Variants in ZNF256 observed in about 807,000 individuals in gnomAD.
ZNF256 encodes bone marrow zinc finger 3.
A neutral mutation model predicts 7.9 loss-of-function variants in ZNF256; 4 were observed. The observed-to-expected ratio is 0.50, with a 90% confidence interval of 0.25 to 1.15. The LOEUF (loss-of-function observed/expected upper bound fraction) is 1.15, where lower values mean the gene tolerates loss of function less well. Ranked by LOEUF, ZNF256 falls within the 50% of genes most tolerant of loss-of-function variation. The pLI, the probability that ZNF256 is intolerant of heterozygous loss-of-function variation, is 0.15. For synonymous variants in ZNF256, 260 were observed against 260.4 expected, an observed-to-expected ratio of 1.00 and a Z score of 0.02; for missense variants, 666 against 755.9, an observed-to-expected ratio of 0.88 and a Z score of 1.39.
Position 57,942,388 on chromosome 19 carries a change from A to C in ZNF256, c.420T>G (p.His140Gln). The change falls in exon 3 of 3, where the codon CAT becomes CAG. Residue 140 changes from histidine (H) to glutamine (Q), a missense_variant. Transcript: ENST00000282308. ...TAYLHQHQKQ[H>Q]VGQKHFRSNG... Reference sequence around the variant, plus strand: ...TGCTTCTGAAGTGTTTCTGTCCAACATGCTGCTTCTGGTGCTGATGAAGGT... The same window carrying C: ...TGCTTCTGAAGTGTTTCTGTCCAACCTGCTGCTTCTGGTGCTGATGAAGGT... 1 of 1,614,224 alleles carries C rather than the reference A, an allele frequency of 6.2e-7. No homozygotes were observed. The highest frequency in any genetic ancestry group is 8.5e-7 in the Non-Finnish European group (1 of 1,180,048).
In ZNF256 at chr19:57,941,087, G is replaced by A; in HGVS notation, c.1721C>T (p.Pro574Leu). The A allele has an allele frequency of 6.2e-7, 1 of 1,614,156 alleles. No homozygotes were observed. Among genetic ancestry groups the A allele is most frequent in the Non-Finnish European group, 8.5e-7 (1 of 1,180,014 alleles). Residue 574 changes from proline to leucine, a missense_variant, in exon 3 of 3, where the codon CCT (proline) becomes CTT (leucine). Pro to Leu is a moderately conservative substitution (Grantham distance 98). Transcript: ENST00000282308. The part of the protein sequence containing the change: ...KHRRVHTGER[P>L]YECSECGKSF... ...TTTTCCACATTCACTGCATTCATAA[G>A]GCCTTTCTCCGGTATGAACTCTTCG...
chr19:57,946,070 G>A (rs1212274844), intron 1 of ZNF256, among the ~76,000 whole-genome samples: 1 of 152,158 alleles, frequency 6.6e-6, no homozygotes, highest in African/African-American at 2.4e-5. Flanking sequence ...CTTGGGAGCC[G>A]TGGCCACTGC....
chr19:57,946,913 A>T (rs2072769895), intron 1 of ZNF256, among the ~76,000 whole-genome samples: 1 of 152,178 alleles, frequency 6.6e-6, no homozygotes, highest in Non-Finnish European at 1.5e-5. Context: ...GGCTGCCAGA[A>T]ATTGGAACAA....
rs917160074 is a variant in ZNF256 at position 57,947,647 on chromosome 19, C to A, written c.-173G>T. The A allele has an allele frequency of 3.5e-6, 2 of 563,596 alleles. No individual in the cohort carries two copies. The highest frequency in any genetic ancestry group is 5.4e-6 in the Non-Finnish European group (2 of 369,936). 34.9% of individuals were successfully genotyped at this position (563,596 alleles called of 1,614,324 possible). A position where few individuals can be genotyped will look rare whatever the true frequency, so the allele number is the denominator to read the frequency against. ...GACCCAGCGCTCCGGGGCTTTCTAC[C>A]AAGTAATCAGTCCAGACAAATGCCA... On this transcript the variant is annotated 5_prime_UTR_variant, in exon 1 of 3. Coordinates refer to ENST00000282308, the MANE Select transcript of ZNF256 (RefSeq NM_005773.3).
Position 57,947,646 on chromosome 19 carries a change from C to A in ZNF256, c.-172G>T. On this transcript the variant is annotated 5_prime_UTR_variant, in exon 1 of 3. Transcript: ENST00000282308. ...TGACCCAGCGCTCCGGGGCTTTCTA[C>A]CAAGTAATCAGTCCAGACAAATGCC... is the stretch of plus-strand genomic sequence containing the variant. 1 of 576,188 alleles carries A rather than the reference C, an allele frequency of 1.7e-6. No individual in the cohort carries two copies. Among genetic ancestry groups the A allele is most frequent in the Admixed American group, 4.4e-5 (1 of 22,914 alleles). 35.7% of individuals were successfully genotyped at this position (576,188 alleles called of 1,614,324 possible).
chr19:57,942,710 G>C, intron 2 of ZNF256, 63 bp from the exon 3 acceptor site: 12 of 1,554,084 alleles, frequency 7.7e-6, no homozygotes, highest in Non-Finnish European at 1.0e-5. Context: ...GTAGCCCACA[G>C]ACAAATGTGC....
At chr19:57,943,146 G>A (rs1172300527) in intron 2 of ZNF256, among the ~76,000 whole-genome samples, 3 of 152,342 alleles carry the variant, frequency 2.0e-5, no homozygotes, top group Non-Finnish European at 2.9e-5. Flanking sequence ...AGTAAGAGAC[G>A]TAGTAACCAG....
chr19:57,941,738 C>A lies in ZNF256; in HGVS notation c.1070G>T (p.Gly357Val). 6.2e-7 allele frequency: 1 copy of A among 1,614,046 alleles called. No individual in the cohort carries two copies. The highest frequency in any genetic ancestry group is 8.5e-7 in the Non-Finnish European group (1 of 1,179,992). ...GMRPYECSEC[G>V]KSFIHSSSLI... Reference sequence around the variant, plus strand: ...GCTAGAACTATGGATAAAAGATTTCCCACATTCACTGCACTCATAAGGCCT... The same window carrying A: ...GCTAGAACTATGGATAAAAGATTTCACACATTCACTGCACTCATAAGGCCT... Residue 357 changes from glycine to valine, a missense_variant, in exon 3 of 3, where the codon GGG becomes GTG. Transcript: ENST00000282308.
rs778597024 is a variant in ZNF256 at position 57,942,635 on chromosome 19, G to A, written c.173C>T (p.Ala58Val). 25 of 1,612,050 alleles carry A rather than the reference G, an allele frequency of 1.6e-5. No individual in the cohort carries two copies. Among genetic ancestry groups the A allele is most frequent in the Non-Finnish European group, 2.0e-5 (24 of 1,178,598 alleles). Residue 58 changes from alanine to valine, a missense_variant, in exon 3 of 3, where the codon GCA becomes GTA. Transcript: ENST00000282308. ...CTGATAAGGTGCCTCCTCATCCCCT[G>A]CTCCAGAACCACCTGAAAGAAAGAA... The part of the protein sequence containing the change: ...TLTTSLGGSG[A>V]GDEEAPYQQS...
In ZNF256 at chr19:57,941,803, G is replaced by A. The variant is rs780423743; in HGVS notation, c.1005C>T (p.Ser335=). Residue 335 remains serine, a synonymous_variant, in exon 3 of 3, where the codon AGC becomes AGT. Transcript: ENST00000282308. ...TTCTCTGGTGTGTAATGAGGCTAGA[G>A]CTATGGCTAAAGGATTTCCCACATT... The part of the protein sequence containing the change: ...CSECGKSFSH[S]SSLITHQRIH... The A allele has an allele frequency of 6.2e-7, 1 of 1,613,482 alleles. No individual in the cohort carries two copies. Among genetic ancestry groups the A allele is most frequent in the Non-Finnish European group, 8.5e-7 (1 of 1,179,836 alleles).
chr19:57,947,140 G>A (rs548637166), intron 1 of ZNF256, among the ~76,000 whole-genome samples: 77 of 152,332 alleles, frequency 5.1e-4, no homozygotes, highest in Non-Finnish European at 9.3e-4. Flanking sequence ...CCTCAGAGAA[G>A]AGCATCTATG....
chr19:57,946,477 G>GT (rs1482918884), intron 1 of ZNF256, among the ~76,000 whole-genome samples: 1 of 152,094 alleles, frequency 6.6e-6, no homozygotes, highest in African/African-American at 2.4e-5. Flanking sequence ...TGAACCCTCT[G>GT]TTTCACTCCC....
intron 1 of ZNF256, 147 bp from the exon 2 acceptor site, chr19:57,944,207 G>C (rs2072750749): frequency 1.7e-6 from 2 of 1,198,660 alleles, no homozygotes; most frequent in East Asian, 5.2e-5. Flanking sequence ...AGCTGGTGCT[G>C]TTGTCTCCTA....
intron 1 of ZNF256, among the ~76,000 whole-genome samples, chr19:57,945,924 A>C (rs976677491): frequency 6.6e-6 from 1 of 152,134 alleles, no homozygotes; most frequent in African/African-American, 2.4e-5. Context: ...ACACTAACTT[A>C]ATCTTCCAGC....
chr19:57,941,806 A>G lies in ZNF256; in HGVS notation c.1002T>C (p.His334=). 1 of 1,613,506 alleles carries G rather than the reference A, an allele frequency of 6.2e-7. No individual in the cohort carries two copies. Among genetic ancestry groups the G allele is most frequent in the South Asian group, 1.1e-5 (1 of 91,038 alleles). Residue 334 remains histidine (H), a synonymous_variant, in exon 3 of 3, where the codon CAT becomes CAC. Coordinates refer to ENST00000282308, the MANE Select transcript of ZNF256 (RefSeq NM_005773.3). ...KCSECGKSFS[H]SSSLITHQRI... ...TCTGGTGTGTAATGAGGCTAGAGCT[A>G]TGGCTAAAGGATTTCCCACATTCAC...
Position 57,942,063 on chromosome 19 carries a change from T to A in ZNF256, c.745A>T (p.Ser249Cys), listed in dbSNP as rs1210215673. ...TGATCACTGAGGCTACAGCTTGTGC[T>A]AAAAGATTTCCCACATTCACTGCAC... Reference protein sequence around the residue: ...YMCSECGKSFSTSCSLSDHLR... With the variant: ...YMCSECGKSFCTSCSLSDHLR... Residue 249 changes from serine (S) to cysteine (C), a missense_variant, in exon 3 of 3, where the codon AGC (serine) becomes TGC (cysteine). Coordinates refer to ENST00000282308, the MANE Select transcript of ZNF256 (RefSeq NM_005773.3). 1 of 1,614,138 alleles carries A rather than the reference T, an allele frequency of 6.2e-7. No homozygotes were observed. The highest frequency in any genetic ancestry group is 1.3e-5 in the African/African-American group (1 of 74,940).
At position 57,941,210 on chromosome 19, in the gene ZNF256, C is replaced by A; in HGVS notation, c.1598G>T (p.Ser533Ile). ...GTGACTTCTCCTATGTCTAATGAGG[C>A]TGGAGCTCTGGCTAAAAAACTTCCC... is the stretch of plus-strand genomic sequence containing the variant. ...ECGKFFSQSS[S>I]LIRHRRSHTG... Residue 533 changes from serine (S) to isoleucine (I), a missense_variant, in exon 3 of 3, where the codon AGC becomes ATC. Transcript: ENST00000282308. 1 of 1,613,504 alleles carries A rather than the reference C, an allele frequency of 6.2e-7. No individual in the cohort carries two copies. Among genetic ancestry groups the A allele is most frequent in the South Asian group, 1.1e-5 (1 of 91,042 alleles).
rs768616317 is a variant in ZNF256 at position 57,940,904 on chromosome 19, CTATG to C, written c.*16_*19del. The C allele has an allele frequency of 1.9e-6, 3 of 1,601,084 alleles. No individual in the cohort carries two copies. In the South Asian group the frequency reaches 3.3e-5, roughly 18 times the overall value. The stretch of plus-strand genomic sequence containing the variant: ...GGACACTTCTCAGTCCGTAACAGCC[CTATG>C]TGTGTTACCTAACCTTTATCCCTTG... On this transcript the variant is annotated 3_prime_UTR_variant, in exon 3 of 3. Coordinates refer to ENST00000282308, the MANE Select transcript of ZNF256 (RefSeq NM_005773.3).
At chr19:57,943,588 G>A (rs1032250078) in intron 2 of ZNF256, among the ~76,000 whole-genome samples, 2 of 152,266 alleles carry the variant, frequency 1.3e-5, no homozygotes, top group Admixed American at 1.3e-4. Flanking sequence ...ATTGCTGGCA[G>A]AGGCAGGCAT....
Sources: gnomAD v4.1 joint callset for allele counts (sites outside exome capture counted in the v4.1 genomes callset) on GRCh38, gnomAD v4.1.1 for gene constraint, MANE v1.5 for transcripts, NCBI Gene and HGNC (gene_info 2026-07-23, HGNC 2026-07-21) for gene names.